TTC28: variants seen among roughly 807,000 people sequenced by gnomAD.
TTC28 encodes tetratricopeptide repeat domain 28.
In TTC28, 61 loss-of-function variants were observed where a neutral mutation model predicts 198.0. That is an observed-to-expected ratio of 0.31 (90% CI 0.25 to 0.38). The LOEUF (loss-of-function observed/expected upper bound fraction) is 0.38, where lower values mean the gene tolerates loss of function less well. Ranked by LOEUF, TTC28 falls within the 10% of genes least tolerant of loss-of-function variation. The probability of loss-of-function intolerance (pLI) is 1.00; values close to 1 mark genes in which losing one functional copy is unlikely to be tolerated. For missense variants in TTC28, 2,678 were observed against 3,164.0 expected (o/e 0.85, Z 3.69); for synonymous variants, 1,171 against 1,297.8 (o/e 0.90, Z 2.10).
intron 2 of TTC28, among the ~76,000 whole-genome samples, chr22:28,311,239 T>C (rs1047921568): frequency 2.7e-5 from 4 of 148,172 alleles, no homozygotes; most frequent in African/African-American, 1.1e-4. Context: ...GTAAATCACA[T>C]GACTTTTTTA....
At chr22:28,505,890 G>A (rs1033110315) in intron 2 of TTC28, among the ~76,000 whole-genome samples, 2 of 152,236 alleles carry the variant, frequency 1.3e-5, no homozygotes, top group Non-Finnish European at 2.9e-5. Context: ...GAGTTGGAAC[G>A]GAGTTCCCGG....
intron 2 of TTC28, among the ~76,000 whole-genome samples, chr22:28,567,932 G>A (rs901402196): frequency 2.0e-5 from 3 of 152,026 alleles, no homozygotes; most frequent in Admixed American, 6.6e-5. Context: ...AATACTCAAC[G>A]TGTTTCAAAT....
chr22:28,652,059 C>T (rs532391625), intron 1 of TTC28, among the ~76,000 whole-genome samples: 2 of 152,096 alleles, frequency 1.3e-5, no homozygotes, highest in Admixed American at 6.5e-5. Context: ...AGGCTGGTCT[C>T]GAACTCCTGA....
chr22:28,662,707 AAATAT>A (rs2051767949), intron 1 of TTC28, among the ~76,000 whole-genome samples: 1 of 152,266 alleles, frequency 6.6e-6, no homozygotes, highest in Non-Finnish European at 1.5e-5. Context: ...ATTTTTCATA[AAATAT>A]ATTTGGAATT....
intron 2 of TTC28, among the ~76,000 whole-genome samples, chr22:28,317,095 TA>T (rs1199505909): frequency 6.6e-6 from 1 of 152,220 alleles, no homozygotes; most frequent in Non-Finnish European, 1.5e-5. Context: ...TTTTATGTTT[TA>T]AAACATTTAC....
In TTC28 at chr22:28,152,233, G is replaced by T. The variant is rs1157538217; in HGVS notation, c.1441+10859C>A. On this transcript the variant is annotated intron_variant, in intron 6 of 22. Transcript: ENST00000397906. Reference sequence around the variant, plus strand: ...GAGAAAGGGCCGCTCCCTCCTGGTGGTGCATATACTCCTCTAGGAATGCTT... The same window carrying T: ...GAGAAAGGGCCGCTCCCTCCTGGTGTTGCATATACTCCTCTAGGAATGCTT... Among the ~76,000 whole-genome samples the T allele has an allele frequency of 2.0e-5, 3 of 152,202 alleles. No individual in the cohort carries two copies. In the East Asian group the frequency reaches 5.8e-4, roughly 29 times the overall value.
In TTC28 at chr22:28,191,606, CCAA is replaced by C. The variant is rs1924763891; in HGVS notation, c.934-28010_934-28008del. ...TCTCCCACCCTAATACTGCGCTTTT[CCAA>C]CGGTCTTAGCAAATGGCACAACAGG... On this transcript the variant is annotated intron_variant, in intron 5 of 22. Coordinates refer to ENST00000397906, the MANE Select transcript of TTC28 (RefSeq NM_001145418.2). Among the ~76,000 whole-genome samples, 2 of 152,228 alleles carry C rather than the reference CCAA, an allele frequency of 1.3e-5. 1 individual carries two copies. Among genetic ancestry groups the C allele is most frequent in the African/African-American group, 4.8e-5 (2 of 41,468 alleles).
intron 5 of TTC28, among the ~76,000 whole-genome samples, chr22:28,269,334 T>C (rs900990122): frequency 6.6e-5 from 10 of 152,150 alleles, no homozygotes; most frequent in African/African-American, 2.2e-4. Context: ...ACGAGAAACA[T>C]TGCTTTACTC....
intron 5 of TTC28, among the ~76,000 whole-genome samples, chr22:28,289,349 G>A (rs1237849606): frequency 6.6e-6 from 1 of 152,134 alleles, no homozygotes; most frequent in Non-Finnish European, 1.5e-5. Flanking sequence ...TTCCTGAATA[G>A]AGAACACTAT....
chr22:27,993,722 CA>C lies in TTC28; in HGVS notation c.5245-205del, dbSNP rs1404296221. Among the ~76,000 whole-genome samples the C allele has an allele frequency of 2.6e-5, 4 of 152,198 alleles. No homozygotes were observed. The East Asian group carries it at 5.8e-4, about 22-fold the overall frequency. On this transcript the variant is annotated intron_variant, in intron 17 of 22. Coordinates refer to ENST00000397906, the MANE Select transcript of TTC28 (RefSeq NM_001145418.2). ...AGGGCACAGAAGGGAAGGATTTTAC[CA>C]TCAGAGCCCTCGAGGGCTGGTACAA... is the stretch of plus-strand genomic sequence containing the variant.
chr22:28,154,096 A>T (rs135649), intron 6 of TTC28, among the ~76,000 whole-genome samples: 1 of 152,298 alleles, frequency 6.6e-6, no homozygotes, highest in African/African-American at 2.4e-5. Flanking sequence ...CTAAAGTGAG[A>T]TGAGAGATAA....
At chr22:28,444,556 C>G (rs184254959) in intron 2 of TTC28, among the ~76,000 whole-genome samples, 1 of 152,238 alleles carries the variant, frequency 6.6e-6, no homozygotes, top group Non-Finnish European at 1.5e-5. Flanking sequence ...AGCCACTAGT[C>G]TATGCTAGAA....
intron 12 of TTC28, among the ~76,000 whole-genome samples, chr22:28,060,325 C>T (rs1181455857): frequency 1.3e-5 from 2 of 152,166 alleles, no homozygotes; most frequent in East Asian, 3.8e-4. Flanking sequence ...TCAATTCCCA[C>T]CTATGAATGA....
intron 12 of TTC28, among the ~76,000 whole-genome samples, chr22:28,039,421 C>T (rs1008061042): frequency 2.1e-5 from 3 of 144,456 alleles, no homozygotes; most frequent in African/African-American, 7.7e-5. Context: ...ATAGCAAGGA[C>T]AAAAAACCAA....
rs578254528 is a variant in TTC28, at chr22:28,025,927, G to A, written c.4073+4299C>T. On this transcript the variant is annotated intron_variant, in intron 13 of 22. Transcript: ENST00000397906. ...TGCAGACGCACACACAGCAGGACAC[G>A]TGTGTGCCAGGTCTCAGCTTACCGG... Among the ~76,000 whole-genome samples the A allele has an allele frequency of 2.8e-4, 42 of 152,190 alleles. 1 individual carries two copies. In the Middle Eastern group the frequency reaches 0.014, roughly 49 times the overall value.
chr22:28,503,344 T>C (rs1418927028), intron 2 of TTC28, among the ~76,000 whole-genome samples: 2 of 152,194 alleles, frequency 1.3e-5, no homozygotes, highest in African/African-American at 4.8e-5. Flanking sequence ...AATTATGTGA[T>C]TGATTAGTTT....
At chr22:28,413,511 T>C (rs1252835593) in intron 2 of TTC28, among the ~76,000 whole-genome samples, 2 of 152,080 alleles carry the variant, frequency 1.3e-5, no homozygotes, top group Non-Finnish European at 1.5e-5. Context: ...GCAATAAAAT[T>C]GGATTTTATT....
Position 28,005,546 on chromosome 22 carries a change from G to A in TTC28, c.4219-3993C>T, listed in dbSNP as rs1017609058. On this transcript the variant is annotated intron_variant, in intron 14 of 22. Coordinates refer to ENST00000397906, the MANE Select transcript of TTC28 (RefSeq NM_001145418.2). The surrounding 1 kb of genome is among the most constrained non-coding windows in gnomAD (Gnocchi z 4.9). Reference sequence around the variant, plus strand: ...AGCTGTGTCAGTGGAGTGCACTAAGGGGCACTGAGGAGGCAGGAGCCCTCC... The same window carrying A: ...AGCTGTGTCAGTGGAGTGCACTAAGAGGCACTGAGGAGGCAGGAGCCCTCC... 2.0e-5 allele frequency among the ~76,000 whole-genome samples: 3 copies of A among 152,164 alleles called. No homozygotes were observed. Among genetic ancestry groups the A allele is most frequent in the African/African-American group, 7.2e-5 (3 of 41,428 alleles).
chr22:28,239,340 G>A (rs2147248220), intron 5 of TTC28, among the ~76,000 whole-genome samples: 1 of 152,116 alleles, frequency 6.6e-6, no homozygotes, highest in East Asian at 1.9e-4. Flanking sequence ...TTTTATTTCA[G>A]CTTGGAAATA....
Sources: gnomAD v4.1 joint callset for allele counts (sites outside exome capture counted in the v4.1 genomes callset) on GRCh38, gnomAD v4.1.1 for gene constraint, Gnocchi (gnomAD v3.1) non-coding constraint, MANE v1.5 for transcripts, NCBI Gene and HGNC (gene_info 2026-07-23, HGNC 2026-07-21) for gene names.